The following PON2 variants were observed in gnomAD, a reference collection of about 807,000 sequenced individuals.
The protein encoded by PON2 is paraoxonase 2.
Under a neutral mutation model 36.6 loss-of-function variants are expected in PON2, and 27 were observed. That is an observed-to-expected ratio of 0.74 (90% CI 0.54 to 1.02). The LOEUF is 1.02. PON2 is among the 50% of genes least tolerant of loss of function. The probability of loss-of-function intolerance (pLI) is 0.00; values close to 1 mark genes in which losing one functional copy is unlikely to be tolerated. For missense variants in PON2, 363 were observed against 421.1 expected (o/e 0.86, Z 1.21); for synonymous variants, 149 against 156.3 (o/e 0.95, Z 0.35).
chr7:95,414,114 G>A (rs971409797), intron 3 of PON2, among the ~76,000 whole-genome samples: 4 of 152,046 alleles, frequency 2.6e-5, no homozygotes, highest in African/African-American at 9.7e-5. Context: ...GTACAGTTCA[G>A]TGGTGTTAAG....
At chr7:95,432,914 C>T (rs1197004944) in intron 1 of PON2, among the ~76,000 whole-genome samples, 1 of 152,176 alleles carries the variant, frequency 6.6e-6, no homozygotes, top group Non-Finnish European at 1.5e-5. Flanking sequence ...TTGACTTCTC[C>T]CTCATCCCTG....
chr7:95,414,117 GTGT>G (rs1789003697), intron 3 of PON2, among the ~76,000 whole-genome samples: 1 of 152,046 alleles, frequency 6.6e-6, no homozygotes, highest in Non-Finnish European at 1.5e-5. Context: ...CAGTTCAGTG[GTGT>G]TAAGCACACT....
At chr7:95,405,995 C>T (rs900467225) in intron 8 of PON2, 124 bp downstream of exon 8, 14 of 1,153,614 alleles carry the variant, frequency 1.2e-5, no homozygotes, top group East Asian at 2.6e-5. Flanking sequence ...TACAAAACCA[C>T]GACATAAGCT....
chr7:95,430,967 G>A (rs186589279), intron 1 of PON2, among the ~76,000 whole-genome samples: 59 of 151,834 alleles, frequency 3.9e-4, no homozygotes, highest in African/African-American at 1.4e-3. Flanking sequence ...CTTCTTGTGG[G>A]AATTGTCATA....
At chr7:95,424,224 A>T in intron 2 of PON2, 1 of 427,754 alleles carries the variant, frequency 2.3e-6, no homozygotes, top group East Asian at 4.9e-5. Flanking sequence ...GCCATACCTG[A>T]CAAACAATAC....
At chr7:95,417,841 A>AATG (rs1585754695) in intron 2 of PON2, among the ~76,000 whole-genome samples, 7 of 152,042 alleles carry the variant, frequency 4.6e-5, no homozygotes, top group African/African-American at 7.2e-5. Flanking sequence ...CCAAGTATAC[A>AATG]CGTGGAAAAA....
chr7:95,424,271 A>G, intron 2 of PON2: 2 of 533,006 alleles, frequency 3.8e-6, no homozygotes, highest in Non-Finnish European at 6.7e-6. Context: ...GTCACAAAAC[A>G]AGCAAGAAAT....
intron 1 of PON2, among the ~76,000 whole-genome samples, chr7:95,431,421 CT>C (rs1346064368): frequency 2.0e-5 from 3 of 151,520 alleles, no homozygotes; most frequent in Non-Finnish European, 4.4e-5. Flanking sequence ...TGGGAACATG[CT>C]TTTTTTCTTT....
chr7:95,406,235 C>G lies in PON2; in HGVS notation c.790G>C (p.Asp264His), dbSNP rs150924374. ...NLTQLKVLEL[D>H]TLVDNLSIDP... ...ATAGATAAATTATCCACCAGTGTAT[C>G]CAGCTCAAGTACCTTCCAAATGAGA... The change falls in exon 8 of 9, where the codon GAT becomes CAT. Residue 264 changes from aspartate (D) to histidine (H), a missense_variant. Asp to His is a moderately conservative substitution (Grantham distance 81). Transcript: ENST00000222572. 1.9e-6 allele frequency: 3 copies of G among 1,611,002 alleles called. No homozygotes were observed. In the African/African-American group the frequency reaches 4.0e-5, roughly 22 times the overall value.
chr7:95,407,136 G>A (rs1809720774), intron 6 of PON2, 68 bp from the exon 7 acceptor site: 1 of 1,039,642 alleles, frequency 9.6e-7, no homozygotes, highest in Non-Finnish European at 1.5e-6. Context: ...CAGTGTGAAA[G>A]AATAAGTCTT....
At position 95,424,599 on chromosome 7, in the gene PON2, A is replaced by AAAAAAAC. The variant is rs752704537; in HGVS notation, c.75-21_75-15dup. 6.2e-7 allele frequency: 1 copy of AAAAAAAC among 1,605,644 alleles called. No individual in the cohort carries two copies. The highest frequency in any genetic ancestry group is 2.2e-5 in the East Asian group (1 of 44,792). On this transcript the variant is annotated splice_polypyrimidine_tract_variant and intron_variant, in intron 1 of 8. Transcript: ENST00000222572. ...TTAAGTCGATTTCTGTTACAAAGAAAAAAAAACAAAAAACAAAAAACTATT... is the reference window on the plus strand; with the variant it reads ...TTAAGTCGATTTCTGTTACAAAGAAAAAAAAACAAAAAACAAAAAACAAAAAACTATT...
At chr7:95,430,296 T>C (rs909149753) in intron 1 of PON2, among the ~76,000 whole-genome samples, 8 of 150,726 alleles carry the variant, frequency 5.3e-5, no homozygotes, top group African/African-American at 1.9e-4. Context: ...AAGACCCCCA[T>C]CTCTACAAAA....
At chr7:95,415,397 C>T (rs967790576) in intron 3 of PON2, 1 of 152,064 alleles carries the variant, frequency 6.6e-6, no homozygotes, top group South Asian at 2.1e-4. Flanking sequence ...TGTTTTTCAG[C>T]TTACAAGAAT....
chr7:95,417,981 CT>C (rs1043889860), intron 2 of PON2, among the ~76,000 whole-genome samples: 13 of 152,000 alleles, frequency 8.6e-5, no homozygotes, highest in African/African-American at 1.9e-4. Flanking sequence ...AAAGAGAAAT[CT>C]TTTTTTAAAA....
intron 5 of PON2, 120 bp from the exon 6 acceptor site, chr7:95,410,221 C>A: frequency 1.2e-6 from 1 of 841,732 alleles, no homozygotes. Context: ...GAGGAAAAGA[C>A]GAGCTAAAAA....
At chr7:95,414,617 C>G (rs1789018545) in intron 3 of PON2, among the ~76,000 whole-genome samples, 1 of 152,050 alleles carries the variant, frequency 6.6e-6, no homozygotes, top group African/African-American at 2.4e-5. Flanking sequence ...CACATCCTTG[C>G]AAAACAACAA....
intron 8 of PON2, 113 bp downstream of exon 8, chr7:95,406,003 GCTT>G: frequency 8.1e-7 from 1 of 1,228,852 alleles, no homozygotes; most frequent in Non-Finnish European, 1.1e-6. Context: ...CACGACATAA[GCTT>G]ATTATATTAT....
intron 1 of PON2, among the ~76,000 whole-genome samples, chr7:95,433,929 T>C (rs528158705): frequency 8.5e-4 from 130 of 152,372 alleles, no homozygotes; most frequent in African/African-American, 2.9e-3. Flanking sequence ...TTTATACATT[T>C]ACTGTATTTT....
chr7:95,408,094 A>C (rs1397886585), intron 6 of PON2, among the ~76,000 whole-genome samples: 1 of 152,234 alleles, frequency 6.6e-6, no homozygotes, highest in Admixed American at 6.5e-5. Context: ...ATTGGATTCC[A>C]CTGAAATCTT....
Sources: gnomAD v4.1 joint callset for allele counts (sites outside exome capture counted in the v4.1 genomes callset) on GRCh38, gnomAD v4.1.1 for gene constraint, MANE v1.5 for transcripts, NCBI Gene and HGNC (gene_info 2026-07-23, HGNC 2026-07-21) for gene names.